FBXO34: variants seen among roughly 807,000 people sequenced by gnomAD.
FBXO34 encodes F-box protein 34.
Under a neutral mutation model 24.5 loss-of-function variants are expected in FBXO34, and 12 were observed. The ratio of observed to expected loss-of-function variants is 0.49; its 90% confidence interval spans 0.31 to 0.79. FBXO34 has a LOEUF of 0.79. Among genes scored for constraint, FBXO34 ranks in the 30% least tolerant of loss-of-function variants. The probability of loss-of-function intolerance (pLI) is 0.04; values close to 1 mark genes in which losing one functional copy is unlikely to be tolerated. For missense variants in FBXO34, 823 were observed against 857.7 expected, an observed-to-expected ratio of 0.96 and a Z score of 0.51; for synonymous variants, 320 against 311.9, an observed-to-expected ratio of 1.03 and a Z score of -0.27.
chr14:55,382,033 C>T, the FBXO34 span: 1 of 1,614,182 alleles, frequency 6.2e-7, no homozygotes, highest in Non-Finnish European at 8.5e-7. Context: ...GTTAGGGAGG[C>T]TAATCCAAGG....
downstream of FBXO34, among the ~76,000 whole-genome samples, chr14:55,357,207 G>A (rs1385545358): frequency 6.6e-6 from 1 of 152,224 alleles, no homozygotes; most frequent in Admixed American, 6.5e-5. Context: ...GAAAAGCACA[G>A]TAAGGTAGCA....
chr14:55,297,868 G>A (rs1437595685), intron 1 of FBXO34, among the ~76,000 whole-genome samples: 1 of 152,230 alleles, frequency 6.6e-6, no homozygotes, highest in African/African-American at 2.4e-5. Flanking sequence ...TGTATAATCA[G>A]AATTGTACAT....
chr14:55,298,823 G>A (rs1473375186), intron 1 of FBXO34: 7 of 1,611,980 alleles, frequency 4.3e-6, no homozygotes, highest in Non-Finnish European at 5.1e-6. Flanking sequence ...TGAAGCGTAA[G>A]AAGAGGTATG....
At chr14:55,394,560 A>T in the FBXO34 span, among the ~76,000 whole-genome samples, 1 of 152,188 alleles carries the variant, frequency 6.6e-6, no homozygotes, top group Admixed American at 6.5e-5. Context: ...ACTGAATAGC[A>T]TGTACACTAC....
chr14:55,441,207 C>T, the FBXO34 span, among the ~76,000 whole-genome samples: 2 of 152,164 alleles, frequency 1.3e-5, no homozygotes, highest in Admixed American at 6.5e-5. Context: ...AGTGCGGTGA[C>T]AGGCGACCAT....
At chr14:55,425,330 G>T in the FBXO34 span, among the ~76,000 whole-genome samples, 1 of 152,152 alleles carries the variant, frequency 6.6e-6, no homozygotes, top group Admixed American at 6.5e-5. Context: ...ACCCTCCAGG[G>T]CTATGAGATC....
At chr14:55,321,235 G>A (rs1473987593) in intron 1 of FBXO34, among the ~76,000 whole-genome samples, 9 of 149,876 alleles carry the variant, frequency 6.0e-5, no homozygotes, top group African/African-American at 2.0e-4. Flanking sequence ...TGGCCATCTT[G>A]TAATATAAGG....
chr14:55,411,026 T>C, the FBXO34 span, among the ~76,000 whole-genome samples: 2 of 152,082 alleles, frequency 1.3e-5, no homozygotes, highest in African/African-American at 4.8e-5. Context: ...CAAAACACGT[T>C]CCCAAATTCC....
the FBXO34 span, among the ~76,000 whole-genome samples, chr14:55,420,021 G>T: frequency 6.6e-6 from 1 of 152,150 alleles, no homozygotes; most frequent in Non-Finnish European, 1.5e-5. Flanking sequence ...AGACCGCCTT[G>T]GTTCCTTTCC....
intron 1 of FBXO34, among the ~76,000 whole-genome samples, chr14:55,282,015 TGATACAG>T (rs1881564118): frequency 1.0e-5 from 1 of 96,976 alleles, no homozygotes; most frequent in Non-Finnish European, 2.2e-5. Flanking sequence ...TTTTTTTTTT[TGATACAG>T]AGTCTTATTC....
chr14:55,319,815 A>ACG (rs1883066686), intron 1 of FBXO34, among the ~76,000 whole-genome samples: 1 of 152,106 alleles, frequency 6.6e-6, no homozygotes, highest in Non-Finnish European at 1.5e-5. Context: ...AGCTGGGACT[A>ACG]TGGGTGCCCG....
the FBXO34 span, among the ~76,000 whole-genome samples, chr14:55,386,880 G>T: frequency 1.3e-5 from 2 of 152,134 alleles, no homozygotes; most frequent in Admixed American, 1.3e-4. Flanking sequence ...AGTTGCTTAG[G>T]CAACTTAAAC....
intron 1 of FBXO34, among the ~76,000 whole-genome samples, chr14:55,335,124 G>A (rs538630423): frequency 1.3e-5 from 2 of 152,282 alleles, no homozygotes; most frequent in East Asian, 3.9e-4. Context: ...TGAAGGGCAG[G>A]TGCTTTTAGT....
At chr14:55,401,031 C>T in the FBXO34 span, among the ~76,000 whole-genome samples, 1 of 152,070 alleles carries the variant, frequency 6.6e-6, no homozygotes, top group Non-Finnish European at 1.5e-5. Context: ...ACACTTTATA[C>T]AGTTTACAAC....
downstream of FBXO34, among the ~76,000 whole-genome samples, chr14:55,356,370 T>C (rs1378508121): frequency 1.3e-5 from 2 of 152,266 alleles, no homozygotes; most frequent in African/African-American, 4.8e-5. Flanking sequence ...GTTATCTAGC[T>C]GTATGTCGGG....
At chr14:55,438,873 CT>C in the FBXO34 span, 1 of 146,406 alleles carries the variant, frequency 6.8e-6, no homozygotes, top group Non-Finnish European at 1.5e-5. Flanking sequence ...TACCTCAGTG[CT>C]GATCATTGTC....
At chr14:55,430,199 C>G in the FBXO34 span, among the ~76,000 whole-genome samples, 2 of 152,100 alleles carry the variant, frequency 1.3e-5, no homozygotes, top group South Asian at 4.1e-4. Context: ...TGAATTCCAC[C>G]CCCCTCATGG....
At chr14:55,296,635 A>G (rs1331324556) in intron 1 of FBXO34, among the ~76,000 whole-genome samples, 1 of 151,810 alleles carries the variant, frequency 6.6e-6, no homozygotes, top group East Asian at 1.9e-4. Flanking sequence ...TGACCTTGTG[A>G]TCCACCTGCC....
intron 1 of FBXO34, among the ~76,000 whole-genome samples, chr14:55,303,899 C>T (rs1882449487): frequency 2.6e-5 from 4 of 152,072 alleles, no homozygotes; most frequent in Admixed American, 2.6e-4. Context: ...TTCAGTTCCC[C>T]TTGATTATTG....
Sources: allele counts gnomAD v4.1 joint callset (sites outside exome capture counted in the v4.1 genomes callset), GRCh38; gene constraint gnomAD v4.1.1; transcripts MANE v1.5; gene names NCBI Gene and HGNC (gene_info 2026-07-23, HGNC 2026-07-21).